GABBR2: variants seen among roughly 807,000 people sequenced by gnomAD.
GABBR2 encodes the protein gamma-aminobutyric acid type B receptor subunit 2.
A neutral mutation model predicts 105.6 loss-of-function variants in GABBR2; 23 were observed. That is an observed-to-expected ratio of 0.22 (90% CI 0.16 to 0.31). The LOEUF (loss-of-function observed/expected upper bound fraction) is 0.31. GABBR2 is among the 10% of genes least tolerant of loss of function. GABBR2 has a pLI of 1.00. For missense variants in GABBR2, 734 were observed against 1,245.5 expected, an observed-to-expected ratio of 0.59 and a Z score of 6.18; for synonymous variants, 478 against 499.7, an observed-to-expected ratio of 0.96 and a Z score of 0.58.
chr9:98,311,271 T>A, intron 13 of GABBR2, 66 bp from the exon 14 acceptor site: 1 of 964,600 alleles, frequency 1.0e-6, no homozygotes, highest in South Asian at 1.4e-5. Context: ...TGGGTCCTTA[T>A]CTGAGAGCCC....
At chr9:98,687,125 G>T (rs1278882575) in intron 1 of GABBR2, among the ~76,000 whole-genome samples, 1 of 151,662 alleles carries the variant, frequency 6.6e-6, no homozygotes, top group African/African-American at 2.4e-5. Context: ...TTAAAGCAGT[G>T]AAAACAAATT....
intron 3 of GABBR2, among the ~76,000 whole-genome samples, chr9:98,522,413 A>G (rs1380887559): frequency 1.3e-5 from 2 of 152,162 alleles, no homozygotes; most frequent in African/African-American, 2.4e-5. Flanking sequence ...CAAAACAAAA[A>G]TCAGCTATGT....
chr9:98,708,778 A>ATGGCC lies in GABBR2; in HGVS notation c.-46_-42dup, dbSNP rs1830939812. 3.1e-6 allele frequency: 3 copies of ATGGCC among 975,236 alleles called. No homozygotes were observed. The highest frequency in any genetic ancestry group is 1.8e-5 in the African/African-American group (1 of 56,268). The allele number at this position is 975,236 out of a possible 1,614,324, so 60.4% of individuals were successfully genotyped here. Reference sequence around the variant, plus strand: ...GCGGGCGCCGGCTCACTCGGCCCGCATGGCCTGGCCCGGCCCGCCGCCCCG... The same window carrying ATGGCC: ...GCGGGCGCCGGCTCACTCGGCCCGCATGGCCTGGCCTGGCCCGGCCCGCCGCCCCG... On this transcript the variant is annotated 5_prime_UTR_variant, in exon 1 of 19. In the 5' UTR this introduces an upstream ATG that the reference lacks. Coordinates refer to ENST00000259455, the MANE Select transcript of GABBR2 (RefSeq NM_005458.8).
intron 13 of GABBR2, among the ~76,000 whole-genome samples, chr9:98,357,702 A>G (rs1831512392): frequency 6.6e-6 from 1 of 151,808 alleles, no homozygotes; most frequent in African/African-American, 2.4e-5. Context: ...ACCCCACATC[A>G]TAGTTTCTGA....
At chr9:98,520,130 GTAAGCTAATATACGC>G (rs1827838129) in intron 3 of GABBR2, among the ~76,000 whole-genome samples, 1 of 152,162 alleles carries the variant, frequency 6.6e-6, no homozygotes, top group Non-Finnish European at 1.5e-5. Flanking sequence ...TCTTGAAAAG[GTAAGCTAATATACGC>G]TAAGTGTCTA....
intron 1 of GABBR2, among the ~76,000 whole-genome samples, chr9:98,667,306 C>T (rs1930139): frequency 0.71 from 107,121 of 151,890 alleles, 38,774 homozygotes; most frequent in Middle Eastern, 0.84. Flanking sequence ...GAGGGGTGAA[C>T]TTACTAAACA....
chr9:98,341,178 C>G (rs1000637239), intron 13 of GABBR2, among the ~76,000 whole-genome samples: 2 of 152,206 alleles, frequency 1.3e-5, no homozygotes, highest in Non-Finnish European at 2.9e-5. Context: ...ATCCAACACA[C>G]CTTTCCACAC....
rs553315993 is a variant in GABBR2, at chr9:98,308,384, G to A, written c.2005-2039C>T. On this transcript the variant is annotated intron_variant, in intron 14 of 18. Transcript: ENST00000259455. ...ACAAGTTACACTGAGGAAGATTTCC[G>A]CTGAGGATTAGGAAGAACTTTCTAG... Among the ~76,000 whole-genome samples the A allele has an allele frequency of 7.0e-4, 107 of 152,322 alleles. 1 individual carries two copies. Among genetic ancestry groups the A allele is most frequent in the African/African-American group, 2.3e-3 (96 of 41,578 alleles).
At chr9:98,539,541 G>C (rs1302906302) in intron 3 of GABBR2, among the ~76,000 whole-genome samples, 4 of 152,110 alleles carry the variant, frequency 2.6e-5, no homozygotes, top group Non-Finnish European at 5.9e-5. Flanking sequence ...CTGGGCCTTA[G>C]TTTCCCCTTC....
At chr9:98,316,427 C>T (rs1455542090) in intron 13 of GABBR2, among the ~76,000 whole-genome samples, 1 of 152,234 alleles carries the variant, frequency 6.6e-6, no homozygotes, top group Non-Finnish European at 1.5e-5. Flanking sequence ...GCTGGGATTA[C>T]AGACGTGAGC....
chr9:98,571,867 G>A (rs1183718399), intron 2 of GABBR2, among the ~76,000 whole-genome samples: 1 of 152,162 alleles, frequency 6.6e-6, no homozygotes, highest in Non-Finnish European at 1.5e-5. Flanking sequence ...CTTTGGCCGT[G>A]GCTCCTGCTT....
intron 1 of GABBR2, among the ~76,000 whole-genome samples, chr9:98,657,328 C>G (rs967789484): frequency 6.6e-6 from 1 of 152,156 alleles, no homozygotes; most frequent in Non-Finnish European, 1.5e-5. Flanking sequence ...AAACATAAAC[C>G]AAGAAGACTG....
In GABBR2 at chr9:98,657,153, G is replaced by C. The variant is rs372163127; in HGVS notation, c.321+51264C>G. Among the ~76,000 whole-genome samples, 36 of 152,316 alleles carry C rather than the reference G, an allele frequency of 2.4e-4. 1 individual carries two copies. The highest frequency in any genetic ancestry group is 1.7e-3 in the South Asian group (8 of 4,812). On this transcript the variant is annotated intron_variant, in intron 1 of 18. Transcript: ENST00000259455. ...CTGAGCAGCCTTTGCCCCTGCAGAG[G>C]GGGAGGGCTCTCCCATCTACAACAT... is the stretch of plus-strand genomic sequence containing the variant.
At chr9:98,385,571 G>A (rs1832057284) in intron 11 of GABBR2, 69 bp downstream of exon 11, 1 of 1,320,712 alleles carries the variant, frequency 7.6e-7, no homozygotes, top group Non-Finnish European at 1.1e-6. Flanking sequence ...TTGCATCTGT[G>A]TTTTCGATGA....
rs1230036535 is a variant in GABBR2 at position 98,306,562 on chromosome 9, GAC to G, written c.2005-219_2005-218del. Reference sequence around the variant, plus strand: ...CTGAGCAAATGCAGACTGGGGATGTGACAGCTGTCCAGTTCTCCTGCACCCCT... The same window carrying G: ...CTGAGCAAATGCAGACTGGGGATGTGAGCTGTCCAGTTCTCCTGCACCCCT... On this transcript the variant is annotated intron_variant, in intron 14 of 18. Coordinates refer to ENST00000259455, the MANE Select transcript of GABBR2 (RefSeq NM_005458.8). This position sits in a 1 kb window ranked among gnomAD's most constrained non-coding sequence, Gnocchi z 5.4. 1 of 586,030 alleles carries G rather than the reference GAC, an allele frequency of 1.7e-6. No homozygotes were observed. Among genetic ancestry groups the G allele is most frequent in the Non-Finnish European group, 3.1e-6 (1 of 327,244 alleles). The allele number at this position is 586,030 out of a possible 1,614,324, so 36.3% of individuals were successfully genotyped here.
intron 7 of GABBR2, among the ~76,000 whole-genome samples, chr9:98,435,590 C>T (rs1309068244): frequency 6.6e-6 from 1 of 152,146 alleles, no homozygotes; most frequent in African/African-American, 2.4e-5. Flanking sequence ...TGCTCCCTTG[C>T]TAGACACTTT....
intron 11 of GABBR2, among the ~76,000 whole-genome samples, chr9:98,382,344 C>T (rs566471706): frequency 1.4e-4 from 21 of 152,210 alleles, no homozygotes; most frequent in Non-Finnish European, 2.4e-4. Context: ...GACCGAGTCT[C>T]GCTCTGTCGC....
At chr9:98,447,534 T>C (rs1588166199) in intron 7 of GABBR2, among the ~76,000 whole-genome samples, 1 of 72,172 alleles carries the variant, frequency 1.4e-5, no homozygotes, top group Non-Finnish European at 3.0e-5. Flanking sequence ...GTAACTAGTA[T>C]GTATGTGTGT....
chr9:98,448,225 G>A (rs989436416), intron 7 of GABBR2, among the ~76,000 whole-genome samples: 3 of 151,770 alleles, frequency 2.0e-5, no homozygotes, highest in African/African-American at 4.8e-5. Flanking sequence ...CACCGAGAAT[G>A]AGGGACAGTC....
Sources: gnomAD v4.1 joint callset for allele counts (sites outside exome capture counted in the v4.1 genomes callset) on GRCh38, gnomAD v4.1.1 for gene constraint, Gnocchi (gnomAD v3.1) non-coding constraint, MANE v1.5 for transcripts, NCBI Gene and HGNC (gene_info 2026-07-23, HGNC 2026-07-21) for gene names.